PIK3CD: variants seen among roughly 807,000 people sequenced by gnomAD.
PIK3CD encodes phosphatidylinositol 4,5-bisphosphate 3-kinase catalytic subunit delta isoform.
Under a neutral mutation model 122.9 loss-of-function variants are expected in PIK3CD, and 20 were observed. The ratio of observed to expected loss-of-function variants is 0.16; its 90% CI spans 0.11 to 0.24. The LOEUF (loss-of-function observed/expected upper bound fraction) is 0.24. Among genes scored for constraint, PIK3CD ranks in the 10% least tolerant of loss-of-function variants. The probability of loss-of-function intolerance (pLI) is 1.00; values close to 1 mark genes in which losing one functional copy is unlikely to be tolerated. For synonymous variants in PIK3CD, 596 were observed against 593.4 expected (o/e 1.00, Z -0.06); for missense variants, 787 against 1,406.3 (o/e 0.56, Z 7.04).
chr1:9,723,292 G>A lies in PIK3CD; in HGVS notation c.2594G>A (p.Gly865Glu). ...LLNWLKSKNPGEALDRAIEEF... is the reference protein window; with the variant it reads ...LLNWLKSKNPEEALDRAIEEF... Reference sequence around the variant, plus strand: ...AACTGGCTGAAGTCCAAGAACCCGGGGTGGGTTTCAGGCCCAGGGATAGGT... The same window carrying A: ...AACTGGCTGAAGTCCAAGAACCCGGAGTGGGTTTCAGGCCCAGGGATAGGT... Residue 865 changes from glycine (G) to glutamate (E), a missense_variant and splice_region_variant, in exon 20 of 24, where the codon GGG becomes GAG. Physicochemically the swap from Gly to Glu is moderately conservative, Grantham distance 98 (BLOSUM62 -2). This residue lies in a region of PIK3CD where 69 missense variants were observed against 166.8 expected (regional missense o/e 0.41). Coordinates refer to ENST00000377346, the MANE Select transcript of PIK3CD (RefSeq NM_005026.5). This position sits in a 1 kb window ranked among gnomAD's most constrained non-coding sequence, Gnocchi z 4.9. 2 of 1,613,928 alleles carry A rather than the reference G, an allele frequency of 1.2e-6. No homozygotes were observed. Among genetic ancestry groups the A allele is most frequent in the Non-Finnish European group, 1.7e-6 (2 of 1,180,022 alleles).
At position 9,727,312 on chromosome 1, in the gene PIK3CD, A is replaced by C. The variant is rs1425911475; in HGVS notation, c.*266A>C. 1.9e-6 allele frequency: 1 copy of C among 525,228 alleles called. No individual in the cohort carries two copies. The highest frequency in any genetic ancestry group is 3.3e-5 in the East Asian group (1 of 29,904). The allele number at this position is 525,228 out of a possible 1,614,324, so 32.5% of individuals were successfully genotyped here. A position where few individuals can be genotyped will look rare whatever the true frequency, so the allele number is the denominator to read the frequency against. On this transcript the variant is annotated 3_prime_UTR_variant, in exon 24 of 24. Coordinates refer to ENST00000377346, the MANE Select transcript of PIK3CD (RefSeq NM_005026.5). ...GCTCTCGGCTGAGGATTGTCACCCC[A>C]AGTCTTCCAGCTGGTGGATCTGGGC...
chr1:9,700,241 G>A lies in PIK3CD; in HGVS notation c.-33+8670G>A, dbSNP rs894854856. The stretch of plus-strand genomic sequence containing the variant: ...CCCCTCGCAGGTTCAAGTGATTCTC[G>A]TGGCTCAGCCTCCCAATAGCTGAGG... On this transcript the variant is annotated intron_variant, in intron 2 of 23. Coordinates refer to ENST00000377346, the MANE Select transcript of PIK3CD (RefSeq NM_005026.5). This position sits in a 1 kb window ranked among gnomAD's most constrained non-coding sequence, Gnocchi z 5.1. Among the ~76,000 whole-genome samples, 3 of 152,010 alleles carry A rather than the reference G, an allele frequency of 2.0e-5. No homozygotes were observed. The highest frequency in any genetic ancestry group is 4.8e-5 in the African/African-American group (2 of 41,466).
intron 3 of PIK3CD, among the ~76,000 whole-genome samples, chr1:9,713,853 CTTTT>C (rs59908140): frequency 6.1e-4 from 80 of 131,730 alleles, no homozygotes; most frequent in African/African-American, 2.2e-3. Context: ...TATTTTTATA[CTTTT>C]TTTTTTTTTT....
At chr1:9,697,592 G>C (rs1182986155) in intron 2 of PIK3CD, among the ~76,000 whole-genome samples, 1 of 151,916 alleles carries the variant, frequency 6.6e-6, no homozygotes, top group African/African-American at 2.4e-5. Flanking sequence ...TAATTAGCTG[G>C]GTATGTGGTG....
chr1:9,695,843 C>CA (rs1265700443), intron 2 of PIK3CD, among the ~76,000 whole-genome samples: 6,138 of 69,170 alleles, frequency 0.089, 209 homozygotes, highest in African/African-American at 0.19. Flanking sequence ...GACTCAGTCT[C>CA]AAAAAAAAAA....
chr1:9,657,379 G>A (rs556503291), intron 1 of PIK3CD, among the ~76,000 whole-genome samples: 4 of 152,268 alleles, frequency 2.6e-5, no homozygotes, highest in African/African-American at 9.6e-5. Context: ...ATGTCTTTCT[G>A]TATTTTCTGG....
intron 2 of PIK3CD, among the ~76,000 whole-genome samples, chr1:9,705,323 CA>C (rs563873650): frequency 0.096 from 5,549 of 57,530 alleles, 115 homozygotes; most frequent in Non-Finnish European, 0.12. Flanking sequence ...TTAAAAATAC[CA>C]AAAAAAAAAA....
chr1:9,720,033 G>A lies in PIK3CD; in HGVS notation c.1339+16G>A, dbSNP rs750130695. ...TCCGTCCCAGGTCGGCCCAGGCCCAGGAGGGAGAGGCGTTGGGAGTGTGAG... is the reference window on the plus strand; with the variant it reads ...TCCGTCCCAGGTCGGCCCAGGCCCAAGAGGGAGAGGCGTTGGGAGTGTGAG... On this transcript the variant is annotated intron_variant, in intron 10 of 23. Transcript: ENST00000377346. This position sits in a 1 kb window ranked among gnomAD's most constrained non-coding sequence, Gnocchi z 9.0. The A allele has an allele frequency of 3.1e-6, 5 of 1,613,432 alleles. No homozygotes were observed. The highest frequency in any genetic ancestry group is 1.7e-5 in the Admixed American group (1 of 60,008).
rs1304932395 is a variant in PIK3CD at position 9,727,085 on chromosome 1, C to T, written c.*39C>T. ...CCCTGGGCCCAAGAGGAGGCGGCTG[C>T]GGGTCGTGGGGACCAAGCACATTGG... On this transcript the variant is annotated 3_prime_UTR_variant, in exon 24 of 24. Transcript: ENST00000377346. The T allele has an allele frequency of 1.8e-5, 29 of 1,613,084 alleles. No individual in the cohort carries two copies. The highest frequency in any genetic ancestry group is 1.7e-4 in the Middle Eastern group (1 of 6,058).
At chr1:9,686,772 G>A (rs1645980941) in intron 1 of PIK3CD, among the ~76,000 whole-genome samples, 1 of 152,214 alleles carries the variant, frequency 6.6e-6, no homozygotes, top group Non-Finnish European at 1.5e-5. Flanking sequence ...ATCAGAGACT[G>A]GTTTTTCCTC....
intron 1 of PIK3CD, among the ~76,000 whole-genome samples, chr1:9,656,771 C>T (rs911294023): frequency 1.3e-5 from 2 of 152,124 alleles, no homozygotes; most frequent in South Asian, 2.1e-4. Context: ...GGTGAAGCCC[C>T]GTCTCTACTA....
chr1:9,669,013 C>G (rs192037368), intron 1 of PIK3CD, among the ~76,000 whole-genome samples: 9 of 152,188 alleles, frequency 5.9e-5, no homozygotes, highest in Admixed American at 5.2e-4. Context: ...GGTGACTGTT[C>G]GCTGCTCACA....
chr1:9,718,669 C>T lies in PIK3CD; in HGVS notation c.1021-25C>T, dbSNP rs1264277456. 1 of 1,595,974 alleles carries T rather than the reference C, an allele frequency of 6.3e-7. No homozygotes were observed. The highest frequency in any genetic ancestry group is 1.3e-5 in the African/African-American group (1 of 74,716). The stretch of plus-strand genomic sequence containing the variant: ...GAGGGGCTGGGCCTCTGCCTCCTCA[C>T]CCATCATCCCGGCACCTTCTACAGC... On this transcript the variant is annotated intron_variant, in intron 8 of 23. Transcript: ENST00000377346. This position sits in a 1 kb window ranked among gnomAD's most constrained non-coding sequence, Gnocchi z 7.2.
rs1165670404 is a variant in PIK3CD, at chr1:9,658,521, A to ATTTTTTTTTT, written c.-138+6733_-138+6742dup. On this transcript the variant is annotated intron_variant, in intron 1 of 23. Transcript: ENST00000377346. ...CTGAACTGGGTTTTTTCCCAGCCAC[A>ATTTTTTTTTT]TTTTTTTTTTTTTTTTTTTTTTTGG... Among the ~76,000 whole-genome samples, 34 of 91,174 alleles carry ATTTTTTTTTT rather than the reference A, an allele frequency of 3.7e-4. 4 individuals carry two copies. Among genetic ancestry groups the ATTTTTTTTTT allele is most frequent in the African/African-American group, 9.8e-4 (19 of 19,344 alleles). 59.8% of individuals were successfully genotyped at this position (91,174 alleles called of 152,430 possible).
At chr1:9,693,999 G>A (rs545197765) in intron 2 of PIK3CD, among the ~76,000 whole-genome samples, 161 of 152,268 alleles carry the variant, frequency 1.1e-3, no homozygotes, top group African/African-American at 3.6e-3. Flanking sequence ...GCAGGTTTCC[G>A]GCAGGCAGTG....
chr1:9,662,167 A>AT (rs532152401), intron 1 of PIK3CD: 103 of 147,780 alleles, frequency 7.0e-4, no homozygotes, highest in East Asian at 1.2e-3. Context: ...TCGATCTCAA[A>AT]TTTTTTTTTT....
In PIK3CD at chr1:9,720,343, G is replaced by A; in HGVS notation, c.1470+101G>A. 6.9e-7 allele frequency: 1 copy of A among 1,454,160 alleles called. No homozygotes were observed. The allele number at this position is 1,454,160 out of a possible 1,614,324, so 90.1% of individuals were successfully genotyped here. A position where few individuals can be genotyped will look rare whatever the true frequency, so the allele number is the denominator to read the frequency against. ...GAGGGTGCTCCCTGGCCACGTCGGG[G>A]CTGGGCTACCAGGCATATCTGGGGC... is the stretch of plus-strand genomic sequence containing the variant. On this transcript the variant is annotated intron_variant, in intron 11 of 23. Transcript: ENST00000377346. The surrounding 1 kb of genome is among the most constrained non-coding windows in gnomAD (Gnocchi z 9.0).
chr1:9,725,561 A>C (rs571229417), intron 23 of PIK3CD, among the ~76,000 whole-genome samples: 129 of 150,082 alleles, frequency 8.6e-4, no homozygotes, highest in African/African-American at 3.0e-3. Flanking sequence ...GTCTCAAAAA[A>C]AATAAAAATA....
chr1:9,638,760 T>A, the PIK3CD span, among the ~76,000 whole-genome samples: 1 of 139,488 alleles, frequency 7.2e-6, no homozygotes, highest in African/African-American at 2.6e-5. Context: ...ACTTCAATCA[T>A]CTGACCCTTT....
Sources: allele counts gnomAD v4.1 joint callset (sites outside exome capture counted in the v4.1 genomes callset), GRCh38; gene constraint gnomAD v4.1.1; regional missense constraint gnomAD v4.1.1; non-coding constraint Gnocchi (gnomAD v3.1); transcripts MANE v1.5; gene names NCBI Gene and HGNC (gene_info 2026-07-23, HGNC 2026-07-21).